The following POC5 variants were observed in gnomAD, a reference collection of about 807,000 sequenced individuals.
The protein encoded by POC5 is POC5 centriolar protein.
POC5 carries 48 observed loss-of-function variants against 62.9 expected under a neutral mutation model. The ratio of observed to expected loss-of-function variants is 0.76; its 90% confidence interval spans 0.61 to 0.97. The LOEUF (loss-of-function observed/expected upper bound fraction) is 0.97. POC5 is among the 50% of genes least tolerant of loss of function. POC5 has a pLI of 0.00. For missense variants in POC5, 696 were observed against 679.5 expected (o/e 1.02, Z -0.27); for synonymous variants, 236 against 228.2 (o/e 1.03, Z -0.31).
chr5:75,703,931 G>A (rs761207896), intron 4 of POC5, among the ~76,000 whole-genome samples: 5 of 151,972 alleles, frequency 3.3e-5, no homozygotes, highest in Non-Finnish European at 5.9e-5. Context: ...TGAAGTGGGC[G>A]AATCATGAGG....
chr5:75,676,956 T>C (rs1349827229), intron 11 of POC5, among the ~76,000 whole-genome samples: 2 of 152,186 alleles, frequency 1.3e-5, no homozygotes, highest in Non-Finnish European at 2.9e-5. Context: ...TTGTAGGAAA[T>C]AATTCAGAGA....
At chr5:75,695,802 G>A (rs1776548503) in intron 5 of POC5, among the ~76,000 whole-genome samples, 3 of 152,110 alleles carry the variant, frequency 2.0e-5, no homozygotes, top group African/African-American at 4.8e-5. Context: ...CTGAGGTACC[G>A]GGTTCATCTC....
intron 11 of POC5, among the ~76,000 whole-genome samples, chr5:75,676,866 A>C (rs939070413): frequency 6.6e-6 from 1 of 151,744 alleles, no homozygotes; most frequent in Non-Finnish European, 1.5e-5. Context: ...ATAAATAAAT[A>C]AATAAATCCT....
At chr5:75,690,813 G>A (rs749991386) in intron 7 of POC5, among the ~76,000 whole-genome samples, 3 of 152,158 alleles carry the variant, frequency 2.0e-5, no homozygotes, top group Non-Finnish European at 4.4e-5. Flanking sequence ...TTACATCATT[G>A]CTTTATGCAA....
At chr5:75,675,298 A>G (rs561493916) in intron 11 of POC5, among the ~76,000 whole-genome samples, 3 of 152,322 alleles carry the variant, frequency 2.0e-5, no homozygotes, top group East Asian at 3.9e-4. Flanking sequence ...GCTTTTCCCT[A>G]TTAAACCCGA....
rs1580023895 is a variant in POC5, at chr5:75,694,642, T to G, written c.690+13A>C. ...ACTGAATCTCAGTTAAAAAGAAATATAAAAAAGAAGACCTCATCTTTTCTC... is the reference window on the plus strand; with the variant it reads ...ACTGAATCTCAGTTAAAAAGAAATAGAAAAAAGAAGACCTCATCTTTTCTC... On this transcript the variant is annotated intron_variant, in intron 6 of 11. Coordinates refer to ENST00000428202, the MANE Select transcript of POC5 (RefSeq NM_001099271.2). 1.4e-6 allele frequency: 2 copies of G among 1,474,608 alleles called. No homozygotes were observed. Among genetic ancestry groups the G allele is most frequent in the Non-Finnish European group, 1.8e-6 (2 of 1,104,146 alleles). 91.3% of individuals were successfully genotyped at this position (1,474,608 alleles called of 1,614,324 possible).
chr5:75,683,866 A>G (rs1176729775), intron 10 of POC5, among the ~76,000 whole-genome samples: 10 of 151,990 alleles, frequency 6.6e-5, no homozygotes, highest in Admixed American at 5.2e-4. Flanking sequence ...ACCATGCCTG[A>G]CTAATTTTCT....
chr5:75,703,610 T>C (rs1286030110), intron 4 of POC5, among the ~76,000 whole-genome samples: 1 of 151,896 alleles, frequency 6.6e-6, no homozygotes, highest in African/African-American at 2.4e-5. Flanking sequence ...TGTGACAGAA[T>C]GAGACTCTGT....
At chr5:75,696,667 A>C (rs1431171797) in intron 5 of POC5, among the ~76,000 whole-genome samples, 1 of 152,244 alleles carries the variant, frequency 6.6e-6, no homozygotes, top group African/African-American at 2.4e-5. Flanking sequence ...CCTCCTCCAA[A>C]GGATCGCAGT....
intron 9 of POC5, among the ~76,000 whole-genome samples, chr5:75,686,299 T>C (rs1776097178): frequency 6.6e-6 from 1 of 152,174 alleles, no homozygotes; most frequent in African/African-American, 2.4e-5. Context: ...GTGGTGAGGG[T>C]TTAGAAATTC....
chr5:75,710,926 C>T (rs1244780481), intron 2 of POC5, among the ~76,000 whole-genome samples: 1 of 152,008 alleles, frequency 6.6e-6, no homozygotes, highest in Admixed American at 6.6e-5. Context: ...GACTTCTGCT[C>T]TGGATAAGAG....
At chr5:75,716,059 TGA>T (rs1184508543) in intron 1 of POC5, among the ~76,000 whole-genome samples, 2 of 151,506 alleles carry the variant, frequency 1.3e-5, no homozygotes, top group Non-Finnish European at 2.9e-5. Context: ...GAAAAATAAA[TGA>T]GAGATGAGGA....
chr5:75,692,651 G>A (rs1776392176), intron 6 of POC5, among the ~76,000 whole-genome samples, 151 bp from the exon 7 acceptor site: 2 of 151,834 alleles, frequency 1.3e-5, no homozygotes, highest in African/African-American at 2.4e-5. Context: ...TTAAAAAGAT[G>A]GTAAAACTTT....
rs374140724 is a variant in POC5, at chr5:75,685,303, C to T, written c.1311G>A (p.Ser437=). The change falls in exon 10 of 12, where the codon TCG becomes TCA. Residue 437 remains serine, a synonymous_variant. Coordinates refer to ENST00000428202, the MANE Select transcript of POC5 (RefSeq NM_001099271.2). The part of the protein sequence containing the change: ...ASATAVPSAA[S]MTSTRAASAS... Reference sequence around the variant, plus strand: ...CGGAAGCAGCCCTGGTAGAAGTCATCGAAGCAGCTGAGGGAACGGCAGTCG... The same window carrying T: ...CGGAAGCAGCCCTGGTAGAAGTCATTGAAGCAGCTGAGGGAACGGCAGTCG... 2.9e-5 allele frequency: 47 copies of T among 1,613,872 alleles called. No homozygotes were observed. Among genetic ancestry groups the T allele is most frequent in the Non-Finnish European group, 3.6e-5 (42 of 1,179,894 alleles).
intron 9 of POC5, among the ~76,000 whole-genome samples, chr5:75,688,101 A>C (rs555302805): frequency 6.6e-6 from 1 of 152,314 alleles, no homozygotes; most frequent in African/African-American, 2.4e-5. Context: ...GCATGCTTTA[A>C]ATAATAAATG....
rs1263495369 is a variant in POC5 at position 75,674,352 on chromosome 5, A to C, written c.*83T>G. The C allele has an allele frequency of 5.7e-6, 8 of 1,408,446 alleles. No individual in the cohort carries two copies. The highest frequency in any genetic ancestry group is 7.7e-6 in the Non-Finnish European group (8 of 1,034,206). 87.2% of individuals were successfully genotyped at this position (1,408,446 alleles called of 1,614,324 possible). ...ATGATGTCTCCATGATGTTCTAACA[A>C]TATGGAAAAGTTAAAACCAAAAGAC... is the stretch of plus-strand genomic sequence containing the variant. On this transcript the variant is annotated 3_prime_UTR_variant, in exon 12 of 12. Coordinates refer to ENST00000428202, the MANE Select transcript of POC5 (RefSeq NM_001099271.2).
In POC5 at chr5:75,702,644, C is replaced by T. The variant is rs1776936929; in HGVS notation, c.474G>A (p.Lys158=). ...TCCAAAGATCAAGCACATTTTCCAT[C>T]TTCTGAAGGTTTTCATCAGAAACAA... ...DFLVSDENLQ[K]MENVLDLWSS... Residue 158 remains lysine, a synonymous_variant, in exon 5 of 12, where the codon AAG becomes AAA. Transcript: ENST00000428202. The T allele has an allele frequency of 6.2e-7, 1 of 1,613,320 alleles. No individual in the cohort carries two copies. The highest frequency in any genetic ancestry group is 8.5e-7 in the Non-Finnish European group (1 of 1,179,646).
chr5:75,688,912 A>T, intron 9 of POC5, 100 bp downstream of exon 9: 1 of 1,152,084 alleles, frequency 8.7e-7, no homozygotes, highest in Non-Finnish European at 1.1e-6. Flanking sequence ...GATGAAACAT[A>T]CCTACTGCAG....
At chr5:75,692,245 C>A (rs560613077) in intron 7 of POC5, 151 bp downstream of exon 7, 5 of 438,532 alleles carry the variant, frequency 1.1e-5, no homozygotes, top group Non-Finnish European at 2.0e-5. Flanking sequence ...TTTTTCCAAA[C>A]TACATCAAAA....
Sources: allele counts gnomAD v4.1 joint callset (sites outside exome capture counted in the v4.1 genomes callset), GRCh38; gene constraint gnomAD v4.1.1; transcripts MANE v1.5; gene names NCBI Gene and HGNC (gene_info 2026-07-23, HGNC 2026-07-21).